Variants in TRPM3 observed in about 807,000 individuals in gnomAD.
TRPM3 encodes long transient receptor potential channel 3.
In TRPM3, 77 loss-of-function variants were observed where a neutral mutation model predicts 181.2. That is an observed-to-expected ratio of 0.42 (90% confidence interval 0.35 to 0.51). The LOEUF is 0.51. Among genes scored for constraint, TRPM3 ranks in the 20% least tolerant of loss-of-function variants. The probability of loss-of-function intolerance (pLI) is 0.01; values close to 1 mark genes in which losing one functional copy is unlikely to be tolerated. For missense variants in TRPM3, 1,759 were observed against 2,196.7 expected (o/e 0.80, Z 3.98); for synonymous variants, 745 against 796.4 (o/e 0.94, Z 1.09).
At chr9:71,369,055 A>G (rs1055263100) in intron 1 of TRPM3, among the ~76,000 whole-genome samples, 1 of 152,194 alleles carries the variant, frequency 6.6e-6, no homozygotes, top group African/African-American at 2.4e-5. Context: ...ATATATTGCA[A>G]AAGAATAACT....
At chr9:71,334,428 T>C (rs2090421135) in intron 1 of TRPM3, among the ~76,000 whole-genome samples, 1 of 151,804 alleles carries the variant, frequency 6.6e-6, no homozygotes, top group Non-Finnish European at 1.5e-5. Context: ...AATGTACTCC[T>C]GGATATAAGT....
intron 5 of TRPM3, among the ~76,000 whole-genome samples, chr9:70,831,393 T>C (rs1368536080): frequency 6.6e-6 from 1 of 151,664 alleles, no homozygotes; most frequent in Non-Finnish European, 1.5e-5. Context: ...ATAGGACTTT[T>C]TTTTTTTTTT....
intron 1 of TRPM3, among the ~76,000 whole-genome samples, chr9:71,127,513 C>T (rs754496487): frequency 5.3e-5 from 8 of 152,188 alleles, no homozygotes; most frequent in Non-Finnish European, 1.2e-4. Flanking sequence ...TAAGTGCCTC[C>T]TCTTACCCAC....
chr9:70,980,532 T>C (rs1664311054), intron 1 of TRPM3, among the ~76,000 whole-genome samples: 1 of 152,172 alleles, frequency 6.6e-6, no homozygotes, highest in Admixed American at 6.5e-5. Flanking sequence ...CTACTTCTGC[T>C]CACTTCTGGA....
At chr9:70,604,279 A>C (rs940249581) in intron 19 of TRPM3, among the ~76,000 whole-genome samples, 6 of 152,170 alleles carry the variant, frequency 3.9e-5, no homozygotes, top group African/African-American at 1.2e-4. Context: ...AGTTGTGTCA[A>C]GGTGAGTGAA....
intron 5 of TRPM3, among the ~76,000 whole-genome samples, chr9:70,828,897 C>T (rs574598721): frequency 1.3e-5 from 2 of 152,180 alleles, no homozygotes; most frequent in Non-Finnish European, 2.9e-5. Context: ...AATTCATACC[C>T]AGGACTGCCT....
chr9:70,534,760 C>A lies in TRPM3; in HGVS notation c.*1193G>T, dbSNP rs1157392908. 2 of 152,168 alleles carry A rather than the reference C, an allele frequency of 1.3e-5. No homozygotes were observed. Among genetic ancestry groups the A allele is most frequent in the Non-Finnish European group, 2.9e-5 (2 of 68,036 alleles). 9.4% of individuals were successfully genotyped at this position (152,168 alleles called of 1,614,324 possible). A position where few individuals can be genotyped will look rare whatever the true frequency, so the allele number is the denominator to read the frequency against. ...TTGGAACATTTCCATAGAAAAGATA[C>A]CAGCCCTTGAAAAACTCCAATTAAA... On this transcript the variant is annotated 3_prime_UTR_variant, in exon 26 of 26. Coordinates refer to ENST00000677713, the MANE Select transcript of TRPM3 (RefSeq NM_001366145.2).
intron 8 of TRPM3, among the ~76,000 whole-genome samples, chr9:70,753,414 C>A (rs1035229364): frequency 6.6e-6 from 1 of 151,966 alleles, no homozygotes; most frequent in African/African-American, 2.4e-5. Flanking sequence ...AATAGGAGAG[C>A]CTATTGACTA....
chr9:70,749,004 C>T (rs754571200), intron 8 of TRPM3, among the ~76,000 whole-genome samples: 3 of 152,080 alleles, frequency 2.0e-5, no homozygotes, highest in East Asian at 1.9e-4. Context: ...GCTAGAACTC[C>T]GGTTGCATGC....
At chr9:71,142,834 G>A (rs949434382) in intron 1 of TRPM3, among the ~76,000 whole-genome samples, 2 of 144,286 alleles carry the variant, frequency 1.4e-5, no homozygotes, top group Non-Finnish European at 3.0e-5. Context: ...GTCAGGCATG[G>A]TGGCTCATGT....
chr9:70,955,860 A>G (rs942781895), intron 1 of TRPM3, among the ~76,000 whole-genome samples: 1 of 152,176 alleles, frequency 6.6e-6, no homozygotes, highest in Non-Finnish European at 1.5e-5. Flanking sequence ...CTCAGTGGTA[A>G]CCACGAGCTC....
chr9:71,195,354 A>G (rs569882357), intron 1 of TRPM3, among the ~76,000 whole-genome samples: 1 of 152,234 alleles, frequency 6.6e-6, no homozygotes, highest in South Asian at 2.1e-4. Flanking sequence ...AATTTTCCAA[A>G]GAACACATAC....
At chr9:71,077,405 A>G (rs2063614088) in intron 1 of TRPM3, among the ~76,000 whole-genome samples, 1 of 152,048 alleles carries the variant, frequency 6.6e-6, no homozygotes, top group African/African-American at 2.4e-5. Flanking sequence ...TCATCATTTG[A>G]CTCATCATCA....
intron 1 of TRPM3, among the ~76,000 whole-genome samples, chr9:70,877,511 C>G (rs533203444): frequency 6.6e-6 from 1 of 151,896 alleles, no homozygotes; most frequent in Non-Finnish European, 1.5e-5. Flanking sequence ...CTCCAGGGAA[C>G]TGAAACTCCC....
At chr9:71,381,748 A>G (rs2132875681) in intron 1 of TRPM3, among the ~76,000 whole-genome samples, 1 of 152,286 alleles carries the variant, frequency 6.6e-6, no homozygotes, top group Non-Finnish European at 1.5e-5. Context: ...CTCAGAGCCC[A>G]TACAATTCAC....
chr9:70,991,442 G>C lies in TRPM3; in HGVS notation c.178-126931C>G, dbSNP rs72614628. On this transcript the variant is annotated intron_variant, in intron 1 of 25. Transcript: ENST00000677713. ...ACGATAGTTATTAGACTTGCTGCTA[G>C]ATCTTGTTATTTAGTGTACTAATAA... Among the ~76,000 whole-genome samples, 351 of 151,860 alleles carry C rather than the reference G, an allele frequency of 2.3e-3. 10 individuals are homozygous for C. In the East Asian group the frequency reaches 0.063, roughly 27 times the overall value.
intron 1 of TRPM3, among the ~76,000 whole-genome samples, chr9:70,879,774 T>G (rs1000835931): frequency 1.3e-5 from 2 of 152,156 alleles, no homozygotes; most frequent in Non-Finnish European, 2.9e-5. Flanking sequence ...ATGTTTTGCA[T>G]AAATGGAACC....
At chr9:71,226,598 T>A (rs2080674163) in intron 1 of TRPM3, among the ~76,000 whole-genome samples, 1 of 151,952 alleles carries the variant, frequency 6.6e-6, no homozygotes, top group Non-Finnish European at 1.5e-5. Flanking sequence ...TATTATATAA[T>A]AATAAAGGAG....
chr9:71,393,373 G>T (rs1473333934), intron 1 of TRPM3, among the ~76,000 whole-genome samples: 1 of 152,110 alleles, frequency 6.6e-6, no homozygotes, highest in African/African-American at 2.4e-5. Context: ...ACAGTACCTA[G>T]CCTAGGTTGA....
Sources: allele counts gnomAD v4.1 joint callset (sites outside exome capture counted in the v4.1 genomes callset), GRCh38; gene constraint gnomAD v4.1.1; transcripts MANE v1.5; gene names NCBI Gene and HGNC (gene_info 2026-07-23, HGNC 2026-07-21).